The following PRKDC variants were observed in gnomAD, a reference collection of about 807,000 sequenced individuals.
PRKDC encodes protein kinase, DNA-activated, catalytic subunit, also known as DNA-dependent protein kinase catalytic subunit.
A neutral mutation model predicts 486.9 loss-of-function variants in PRKDC; 82 were observed. The observed-to-expected ratio is 0.17, with a 90% CI of 0.14 to 0.20. The LOEUF is 0.20. PRKDC is among the 10% of genes least tolerant of loss of function. PRKDC has a pLI of 1.00. For missense variants in PRKDC, 4,504 were observed against 5,038.2 expected (o/e 0.89, Z 3.21); for synonymous variants, 1,895 against 1,837.0 (o/e 1.03, Z -0.81).
intron 59 of PRKDC, 118 bp from the exon 60 acceptor site, chr8:47,832,044 C>G (rs921593847): frequency 2.3e-6 from 2 of 861,846 alleles, no homozygotes; most frequent in African/African-American, 3.4e-5. Context: ...GAGGCAGCGA[C>G]CGGGAGCAGG....
chr8:47,833,852 G>A (rs549050468), intron 59 of PRKDC, among the ~76,000 whole-genome samples: 4 of 152,030 alleles, frequency 2.6e-5, no homozygotes, highest in African/African-American at 9.6e-5. Flanking sequence ...CTTTTTGGAC[G>A]CTCTCCTCAT....
intron 40 of PRKDC, among the ~76,000 whole-genome samples, chr8:47,869,581 C>G (rs893235854): frequency 6.6e-6 from 1 of 151,860 alleles, no homozygotes; most frequent in South Asian, 2.1e-4. Context: ...TCGAGTGTGA[C>G]CCAGCACATT....
In PRKDC at chr8:47,831,925, A is replaced by C; in HGVS notation, c.8154T>G (p.Gly2718=). 2 of 1,609,816 alleles carry C rather than the reference A, an allele frequency of 1.2e-6. No individual in the cohort carries two copies. Among genetic ancestry groups the C allele is most frequent in the Non-Finnish European group, 1.7e-6 (2 of 1,176,624 alleles). ...GTAGTAGGTCCGTCCGGCCGGCCGC[A>C]CCTGGAGAGGGAAAGCAGGCCCAGT... ...PGDEVDNKVK[G]AAGRTDLLRL... The change falls in exon 60 of 86, where the codon GGT becomes GGG. Residue 2718 remains glycine, a splice_region_variant and synonymous_variant. Coordinates refer to ENST00000314191, the MANE Select transcript of PRKDC (RefSeq NM_006904.7).
At chr8:47,892,978 G>A (rs2089494723) in intron 31 of PRKDC, among the ~76,000 whole-genome samples, 161 bp downstream of exon 31, 1 of 152,184 alleles carries the variant, frequency 6.6e-6, no homozygotes, top group Non-Finnish European at 1.5e-5. Context: ...CAACTTTGAA[G>A]TGTGAAGAAT....
At chr8:47,784,565 G>A (rs1354084114) in intron 77 of PRKDC, among the ~76,000 whole-genome samples, 2 of 152,142 alleles carry the variant, frequency 1.3e-5, no homozygotes, top group Non-Finnish European at 2.9e-5. Flanking sequence ...TGGCAAATTC[G>A]GGGTGAGGAA....
At chr8:47,886,182 G>T in intron 35 of PRKDC, 35 bp from the exon 36 acceptor site, 1 of 1,505,374 alleles carries the variant, frequency 6.6e-7, no homozygotes. Flanking sequence ...CATAACTGGG[G>T]CACATCTTTG....
rs761238014 is a variant in PRKDC, at chr8:47,858,965, G to A, written c.6229C>T (p.His2077Tyr). 1 of 1,613,226 alleles carries A rather than the reference G, an allele frequency of 6.2e-7. No homozygotes were observed. Among genetic ancestry groups the A allele is most frequent in the South Asian group, 1.1e-5 (1 of 91,084 alleles). The part of the protein sequence containing the change: ...RRREQRDPTV[H>Y]DDVLELEMDE... ...ATCTCCAGCTCCAGCACATCATCAT[G>A]CACCGTGGGGTCCCGCTGCTCCTGC... The change falls in exon 47 of 86, where the codon CAT becomes TAT. Residue 2077 changes from histidine (H) to tyrosine (Y), a missense_variant. His to Tyr is a moderately conservative substitution (Grantham distance 83). Around this residue, in one of 6 missense-constraint regions of PRKDC, gnomAD observed 1,592 missense variants for 1,724.6 expected, o/e 0.92. Transcript: ENST00000314191.
chr8:47,935,272 C>T (rs2090329376), intron 13 of PRKDC, among the ~76,000 whole-genome samples: 2 of 152,040 alleles, frequency 1.3e-5, no homozygotes, highest in South Asian at 4.1e-4. Context: ...GAGGCTGAGG[C>T]AGGTGGATCA....
chr8:47,923,823 G>A (rs2090113163), intron 21 of PRKDC, among the ~76,000 whole-genome samples: 1 of 152,132 alleles, frequency 6.6e-6, no homozygotes, highest in African/African-American at 2.4e-5. Context: ...ACCTAGATGG[G>A]GAGTGAACAA....
rs1163826493 is a variant in PRKDC, at chr8:47,887,679, G to A, written c.4440C>T (p.Gly1480=). ...SQSTDLHHSV[G]TELLSLVYKG... is the part of the protein sequence containing the mutation. Reference sequence around the variant, plus strand: ...TATAAACCAGGGAAAGAAGTTCTGTGCCAACAGAATGATGCAAATCTGTGG... The same window carrying A: ...TATAAACCAGGGAAAGAAGTTCTGTACCAACAGAATGATGCAAATCTGTGG... The change falls in exon 35 of 86, where the codon GGC becomes GGT. Residue 1480 remains glycine (G), a synonymous_variant. Transcript: ENST00000314191. The A allele has an allele frequency of 1.2e-6, 2 of 1,610,230 alleles. No individual in the cohort carries two copies. Among genetic ancestry groups the A allele is most frequent in the Admixed American group, 3.4e-5 (2 of 59,550 alleles).
intron 40 of PRKDC, among the ~76,000 whole-genome samples, chr8:47,872,152 A>G (rs1266016447): frequency 3.9e-5 from 6 of 152,216 alleles, no homozygotes; most frequent in Non-Finnish European, 7.3e-5. Context: ...ATTAAAGTGT[A>G]TAATTTTTAT....
At chr8:47,852,242 G>A (rs1356242920) in intron 52 of PRKDC, among the ~76,000 whole-genome samples, 1 of 152,196 alleles carries the variant, frequency 6.6e-6, no homozygotes, top group East Asian at 1.9e-4. Context: ...CAAGGCAGCA[G>A]TACTGAGAGG....
In PRKDC at chr8:47,943,263, T is replaced by G; in HGVS notation, c.912A>C (p.Thr304=). Residue 304 remains threonine, a synonymous_variant, in exon 10 of 86, where the codon ACA becomes ACC. Coordinates refer to ENST00000314191, the MANE Select transcript of PRKDC (RefSeq NM_006904.7). The stretch of plus-strand genomic sequence containing the variant: ...GTGCAGCTTTTTTCAATTCTACATT[T>G]GTGTGGGCACACCACTTTAACAAGA... ...FEVLLKWCAH[T]NVELKKAALS... is the part of the protein sequence containing the mutation. 1 of 1,613,316 alleles carries G rather than the reference T, an allele frequency of 6.2e-7. No individual in the cohort carries two copies. Among genetic ancestry groups the G allele is most frequent in the Non-Finnish European group, 8.5e-7 (1 of 1,179,594 alleles).
chr8:47,839,281 A>G (rs781356992), intron 55 of PRKDC, 35 bp from the exon 56 acceptor site: 3 of 1,457,630 alleles, frequency 2.1e-6, no homozygotes, highest in Non-Finnish European at 2.9e-6. Flanking sequence ...CACAACATTA[A>G]TGCTCTCTTC....
At chr8:47,840,381 T>C (rs931498893) in intron 54 of PRKDC, among the ~76,000 whole-genome samples, 192 bp from the exon 55 acceptor site, 2 of 152,238 alleles carry the variant, frequency 1.3e-5, no homozygotes, top group Admixed American at 1.3e-4. Context: ...CTTCATGTGC[T>C]ACCCTACACT....
intron 59 of PRKDC, 88 bp from the exon 60 acceptor site, chr8:47,832,014 C>A: frequency 8.2e-7 from 1 of 1,214,408 alleles, no homozygotes; most frequent in South Asian, 1.4e-5. Context: ...TCCTCAAAGA[C>A]AAAACCTACA....
intron 77 of PRKDC, among the ~76,000 whole-genome samples, chr8:47,784,417 A>C (rs1416568011): frequency 6.6e-6 from 1 of 152,194 alleles, no homozygotes; most frequent in African/African-American, 2.4e-5. Flanking sequence ...GCTGACATTT[A>C]AATGTTTTTC....
At chr8:47,784,844 T>G (rs1303752085) in intron 77 of PRKDC, among the ~76,000 whole-genome samples, 2 of 152,224 alleles carry the variant, frequency 1.3e-5, no homozygotes, top group Non-Finnish European at 1.5e-5. Flanking sequence ...AAATCTATGA[T>G]TGCTGTTTAC....
At position 47,936,472 on chromosome 8, in the gene PRKDC, C is replaced by T; in HGVS notation, c.1159G>A (p.Glu387Lys). 1 of 1,613,960 alleles carries T rather than the reference C, an allele frequency of 6.2e-7. No individual in the cohort carries two copies. The highest frequency in any genetic ancestry group is 8.5e-7 in the Non-Finnish European group (1 of 1,179,892). ...NAKDVDFMYV[E>K]LIQRCKQMFL... ...ATCTGCTTGCAGCGCTGAATGAGCT[C>T]AACGTACATGAAGTCAACATCTTTT... Residue 387 changes from glutamate to lysine, a missense_variant, in exon 12 of 86, where the codon GAG (glutamate) becomes AAG (lysine). Glu to Lys is a moderately conservative substitution (Grantham distance 56). Transcript: ENST00000314191.
Sources: allele counts gnomAD v4.1 joint callset (sites outside exome capture counted in the v4.1 genomes callset), GRCh38; gene constraint gnomAD v4.1.1; regional missense constraint gnomAD v4.1.1; transcripts MANE v1.5; gene names NCBI Gene and HGNC (gene_info 2026-07-23, HGNC 2026-07-21).